The following CREM variants were observed in gnomAD, a reference collection of about 807,000 sequenced individuals.
The protein encoded by CREM is cAMP responsive element modulator, also known as cAMP-responsive element modulator.
CREM carries 13 observed loss-of-function variants against 37.3 expected under a neutral mutation model. That is an observed-to-expected ratio of 0.35 (90% CI 0.23 to 0.55). The LOEUF is 0.55. CREM is among the 20% of genes least tolerant of loss of function. The pLI is 0.88. For missense variants in CREM, 296 were observed against 362.3 expected, an observed-to-expected ratio of 0.82 and a Z score of 1.49; for synonymous variants, 124 against 120.2, an observed-to-expected ratio of 1.03 and a Z score of -0.21.
intron 5 of CREM, among the ~76,000 whole-genome samples, chr10:35,186,966 ATT>A (rs1300021313): frequency 3.1e-5 from 3 of 95,252 alleles, no homozygotes; most frequent in African/African-American, 1.3e-4. Context: ...TAAATATATA[ATT>A]TATATATTAT....
intron 3 of CREM, among the ~76,000 whole-genome samples, chr10:35,169,495 C>A (rs1190113622): frequency 1.3e-5 from 2 of 152,202 alleles, no homozygotes; most frequent in African/African-American, 2.4e-5. Flanking sequence ...AGATTTTGAG[C>A]TGAGACGATG....
chr10:35,140,380 G>A (rs942973699), intron 2 of CREM, among the ~76,000 whole-genome samples: 1 of 152,088 alleles, frequency 6.6e-6, no homozygotes, highest in African/African-American at 2.4e-5. Flanking sequence ...AAGGAACCCT[G>A]GAGTCACAGT....
At chr10:35,176,008 C>T in intron 3 of CREM, 5 of 1,545,742 alleles carry the variant, frequency 3.2e-6, no homozygotes, top group Non-Finnish European at 4.4e-6. Flanking sequence ...AGGTTAGCTT[C>T]CTTCCTGAAT....
intron 6 of CREM, among the ~76,000 whole-genome samples, chr10:35,192,830 A>G (rs1365619401): frequency 6.6e-6 from 1 of 152,178 alleles, no homozygotes; most frequent in African/African-American, 2.4e-5. Flanking sequence ...GCATCCATCA[A>G]TGTCTGTGAC....
chr10:35,134,786 C>G (rs1029545528), intron 1 of CREM, among the ~76,000 whole-genome samples: 1 of 152,056 alleles, frequency 6.6e-6, no homozygotes. Context: ...GCCTGTAATC[C>G]CAGCACTTTG....
chr10:35,196,309 G>T, intron 6 of CREM: 1 of 531,132 alleles, frequency 1.9e-6, no homozygotes, highest in Non-Finnish European at 3.3e-6. Context: ...ATTTGTAATC[G>T]GTAATTTTTC....
Position 35,157,447 on chromosome 10 carries a change from C to A in CREM, c.168+8956C>A, listed in dbSNP as rs117365567. Among the ~76,000 whole-genome samples the A allele has an allele frequency of 6.4e-3, 975 of 152,108 alleles. 7 individuals are homozygous for A. The highest frequency in any genetic ancestry group is 0.02 in the Middle Eastern group (6 of 294). On this transcript the variant is annotated intron_variant, in intron 3 of 7. Transcript: ENST00000685392. ...AGAGTTAAGAGACCAGCCTGGGCAA[C>A]ATGGTGAAAGCCTGTCTCTACCAGA...
At chr10:35,178,807 C>T in intron 3 of CREM, 82 bp from the exon 4 acceptor site, 1 of 1,098,786 alleles carries the variant, frequency 9.1e-7, no homozygotes, top group Non-Finnish European at 1.3e-6. Context: ...GTGCTGCACA[C>T]ACAGACTCTT....
chr10:35,147,787 A>G (rs553574551), intron 2 of CREM, among the ~76,000 whole-genome samples: 60 of 152,354 alleles, frequency 3.9e-4, no homozygotes, highest in African/African-American at 1.4e-3. Context: ...TATACGTTTT[A>G]AAATAAGGTA....
chr10:35,185,544 C>T (rs948733071), intron 5 of CREM, among the ~76,000 whole-genome samples: 3 of 152,208 alleles, frequency 2.0e-5, no homozygotes, highest in Admixed American at 6.5e-5. Context: ...TTACTCATGT[C>T]TAGCCACAAG....
At chr10:35,199,738 T>C (rs1007242466) in intron 6 of CREM, among the ~76,000 whole-genome samples, 1 of 152,172 alleles carries the variant, frequency 6.6e-6, no homozygotes, top group African/African-American at 2.4e-5. Flanking sequence ...AATCCTCGGG[T>C]TCTGCTCATA....
intron 7 of CREM, among the ~76,000 whole-genome samples, chr10:35,209,052 C>T (rs932484299): frequency 1.6e-4 from 25 of 152,180 alleles, no homozygotes; most frequent in Admixed American, 9.8e-4. Context: ...GTCAAGATCA[C>T]ATGGCCCAAA....
At chr10:35,175,935 T>A (rs1291925477) in intron 3 of CREM, 7 of 1,551,582 alleles carry the variant, frequency 4.5e-6, no homozygotes, top group Non-Finnish European at 6.1e-6. Flanking sequence ...ACTATACATG[T>A]CCAGGGAGTA....
chr10:35,187,286 T>C (rs1295852834), intron 5 of CREM, among the ~76,000 whole-genome samples: 2 of 133,206 alleles, frequency 1.5e-5, no homozygotes, highest in East Asian at 4.1e-4. Context: ...TTTTTTTAGA[T>C]GGAGTCTCTG....
In CREM at chr10:35,148,377, C is replaced by T. The variant is rs1282281081; in HGVS notation, c.54C>T (p.Thr18=). ...TTTATTGTCTTTTCAGACAAATGACCATGGAAACAGTTGAATCCCAGCATG... is the reference window on the plus strand; with the variant it reads ...TTTATTGTCTTTTCAGACAAATGACTATGGAAACAGTTGAATCCCAGCATG... ...KYIKTNPRQM[T]METVESQHDG... Residue 18 remains threonine (T), a synonymous_variant, in exon 3 of 8, where the codon ACC becomes ACT. Coordinates refer to ENST00000685392, the MANE Select transcript of CREM (RefSeq NM_183011.2). 6.2e-7 allele frequency: 1 copy of T among 1,610,302 alleles called. No individual in the cohort carries two copies. The highest frequency in any genetic ancestry group is 8.5e-7 in the Non-Finnish European group (1 of 1,178,550).
In CREM at chr10:35,137,800, G is replaced by A; in HGVS notation, c.-36G>A. The A allele has an allele frequency of 1.5e-5, 22 of 1,493,428 alleles. No homozygotes were observed. The highest frequency in any genetic ancestry group is 3.9e-5 in the South Asian group (3 of 76,932). The allele number at this position is 1,493,428 out of a possible 1,614,324, so 92.5% of individuals were successfully genotyped here. On this transcript the variant is annotated 5_prime_UTR_variant, in exon 2 of 8. Transcript: ENST00000685392. ...ACTGCAGGATAAATAAAGAAAACAG[G>A]AAAGGAGGAAAGCATTGATTACAAA... is the stretch of plus-strand genomic sequence containing the variant.
At chr10:35,187,202 A>T (rs1279146624) in intron 5 of CREM, among the ~76,000 whole-genome samples, 10 of 73,922 alleles carry the variant, frequency 1.4e-4, no homozygotes, top group African/African-American at 3.2e-4. Flanking sequence ...TTAATATATA[A>T]TATATATTAT....
chr10:35,203,397 AAAC>A (rs1485304637), intron 6 of CREM, among the ~76,000 whole-genome samples: 2 of 152,150 alleles, frequency 1.3e-5, no homozygotes, highest in African/African-American at 2.4e-5. Flanking sequence ...TTTTTTAAAA[AAAC>A]AAGTTTTTTG....
At chr10:35,140,665 A>C (rs2091294500) in intron 2 of CREM, among the ~76,000 whole-genome samples, 1 of 152,180 alleles carries the variant, frequency 6.6e-6, no homozygotes, top group Non-Finnish European at 1.5e-5. Context: ...CAGACTTGTA[A>C]ATGCTTTGGG....
Sources: gnomAD v4.1 joint callset for allele counts (sites outside exome capture counted in the v4.1 genomes callset) on GRCh38, gnomAD v4.1.1 for gene constraint, MANE v1.5 for transcripts, NCBI Gene and HGNC (gene_info 2026-07-23, HGNC 2026-07-21) for gene names.